KLHL11: variants seen among roughly 807,000 people sequenced by gnomAD.
The protein encoded by KLHL11 is kelch like family member 11.
Under a neutral mutation model 56.1 loss-of-function variants are expected in KLHL11, and 26 were observed. The ratio of observed to expected loss-of-function variants is 0.46; its 90% CI spans 0.34 to 0.64. The LOEUF is 0.64. KLHL11 is among the 30% of genes least tolerant of loss of function. KLHL11 has a pLI of 0.01. For synonymous variants in KLHL11, 338 were observed against 345.8 expected, an observed-to-expected ratio of 0.98 and a Z score of 0.25; for missense variants, 627 against 919.4, an observed-to-expected ratio of 0.68 and a Z score of 4.11.
intron 1 of KLHL11, among the ~76,000 whole-genome samples, chr17:41,864,435 C>T (rs1347393096): frequency 3.3e-5 from 5 of 152,248 alleles, no homozygotes; most frequent in Admixed American, 6.5e-5. Context: ...AATATTCATT[C>T]CCCATCTTTG....
chr17:41,855,428 G>A, intron 1 of KLHL11, 107 bp from the exon 2 acceptor site: 1 of 771,302 alleles, frequency 1.3e-6, no homozygotes, highest in Non-Finnish European at 2.0e-6. Flanking sequence ...ACCCAGGTTG[G>A]AGTGCAGTGG....
chr17:41,849,010 A>T lies in KLHL11; in HGVS notation c.*4730T>A, dbSNP rs1307274166. On this transcript the variant is annotated 3_prime_UTR_variant, in exon 2 of 2. Transcript: ENST00000319121. ...AGCAAAATGACTACTAGGTTATATT[A>T]CTGTTATTATATTACATCACCCAAC... 5 of 152,274 alleles carry T rather than the reference A, an allele frequency of 3.3e-5. No individual in the cohort carries two copies. The highest frequency in any genetic ancestry group is 4.8e-5 in the African/African-American group (2 of 41,466). 9.4% of individuals were successfully genotyped at this position (152,274 alleles called of 1,614,324 possible).
At chr17:41,856,149 C>G (rs2048365004) in intron 1 of KLHL11, among the ~76,000 whole-genome samples, 1 of 152,084 alleles carries the variant, frequency 6.6e-6, no homozygotes, top group Admixed American at 6.5e-5. Flanking sequence ...TGCCACCACA[C>G]CCAGCTAATT....
chr17:41,854,396 G>C lies in KLHL11; in HGVS notation c.1471C>G (p.Leu491Val). 6.2e-7 allele frequency: 1 copy of C among 1,614,148 alleles called. No individual in the cohort carries two copies. Among genetic ancestry groups the C allele is most frequent in the Non-Finnish European group, 8.5e-7 (1 of 1,180,044 alleles). Residue 491 changes from leucine to valine, a missense_variant, in exon 2 of 2, where the codon CTT becomes GTT. Coordinates refer to ENST00000319121, the MANE Select transcript of KLHL11 (RefSeq NM_018143.3). The surrounding 1 kb of genome is among the most constrained non-coding windows in gnomAD (Gnocchi z 4.9). ...WHNLESAPKI[L>V]RDVKALAIED... ...ATGGCTAGTGCTTTGACATCTCGAA[G>C]AATCTTTGGTGCCGATTCCAAGTTG...
In KLHL11 at chr17:41,861,056, G is replaced by A. The variant is rs59273801; in HGVS notation, c.545+3770C>T. Among the ~76,000 whole-genome samples the A allele has an allele frequency of 6.1e-3, 933 of 152,246 alleles. 8 individuals carry two copies. The highest frequency in any genetic ancestry group is 0.021 in the African/African-American group (884 of 41,534). On this transcript the variant is annotated intron_variant, in intron 1 of 1. Transcript: ENST00000319121. ...TCTGAGGCCTCCCCTTACTCAGATC[G>A]AGGAAAGACGCACTCACAGGAAAAA...
chr17:41,859,538 G>A (rs1223846319), intron 1 of KLHL11, among the ~76,000 whole-genome samples: 1 of 150,574 alleles, frequency 6.6e-6, no homozygotes, highest in East Asian at 1.9e-4. Context: ...GCACTCCAGC[G>A]ACAGAATGAG....
At chr17:41,863,609 C>G (rs1185818331) in intron 1 of KLHL11, among the ~76,000 whole-genome samples, 1 of 152,204 alleles carries the variant, frequency 6.6e-6, no homozygotes, top group Non-Finnish European at 1.5e-5. Flanking sequence ...CACAGGCCAT[C>G]AAGGCCCTAC....
At position 41,850,043 on chromosome 17, in the gene KLHL11, C is replaced by A. The variant is rs2048324435; in HGVS notation, c.*3697G>T. 1 of 152,166 alleles carries A rather than the reference C, an allele frequency of 6.6e-6. No individual in the cohort carries two copies. The highest frequency in any genetic ancestry group is 6.5e-5 in the Admixed American group (1 of 15,274). 9.4% of individuals were successfully genotyped at this position (152,166 alleles called of 1,614,324 possible). ...CCAAAAACAATATTTTAAGTTTTCTCATCAAAAAGGAAATTTCTTTCCCAA... is the reference window on the plus strand; with the variant it reads ...CCAAAAACAATATTTTAAGTTTTCTAATCAAAAAGGAAATTTCTTTCCCAA... On this transcript the variant is annotated 3_prime_UTR_variant, in exon 2 of 2. Coordinates refer to ENST00000319121, the MANE Select transcript of KLHL11 (RefSeq NM_018143.3).
intron 1 of KLHL11, among the ~76,000 whole-genome samples, chr17:41,861,066 G>A (rs1263705293): frequency 3.3e-5 from 5 of 152,114 alleles, no homozygotes; most frequent in African/African-American, 4.8e-5. Context: ...GAGGAAAGAC[G>A]CACTCACAGG....
In KLHL11 at chr17:41,850,795, T is replaced by A. The variant is rs966271423; in HGVS notation, c.*2945A>T. On this transcript the variant is annotated 3_prime_UTR_variant, in exon 2 of 2. Transcript: ENST00000319121. ...GGGACAATATAATAATATATCCTTATATGTAGAAATAGACTTGCAGTTTCT... is the reference window on the plus strand; with the variant it reads ...GGGACAATATAATAATATATCCTTAAATGTAGAAATAGACTTGCAGTTTCT... The A allele has an allele frequency of 6.6e-6, 1 of 152,322 alleles. No homozygotes were observed. Among genetic ancestry groups the A allele is most frequent in the East Asian group, 1.9e-4 (1 of 5,190 alleles). 9.4% of individuals were successfully genotyped at this position (152,322 alleles called of 1,614,324 possible).
intron 1 of KLHL11, among the ~76,000 whole-genome samples, chr17:41,856,293 G>A (rs1555622551): frequency 6.6e-6 from 1 of 151,988 alleles, no homozygotes; most frequent in Non-Finnish European, 1.5e-5. Context: ...CCTGGCCATG[G>A]CCTACATTTA....
rs2048328629 is a variant in KLHL11 at position 41,850,899 on chromosome 17, G to T, written c.*2841C>A. 6.6e-6 allele frequency: 1 copy of T among 152,018 alleles called. No individual in the cohort carries two copies. Among genetic ancestry groups the T allele is most frequent in the African/African-American group, 2.4e-5 (1 of 41,374 alleles). The allele number at this position is 152,018 out of a possible 1,614,324, so 9.4% of individuals were successfully genotyped here. A position where few individuals can be genotyped will look rare whatever the true frequency, so the allele number is the denominator to read the frequency against. ...TATTAAAAACTTTTCACCTAGGCAGGGATACTAATTTAAAAATTTCAAGTT... is the reference window on the plus strand; with the variant it reads ...TATTAAAAACTTTTCACCTAGGCAGTGATACTAATTTAAAAATTTCAAGTT... On this transcript the variant is annotated 3_prime_UTR_variant, in exon 2 of 2. Coordinates refer to ENST00000319121, the MANE Select transcript of KLHL11 (RefSeq NM_018143.3).
At position 41,855,210 on chromosome 17, in the gene KLHL11, T is replaced by C. The variant is rs782480598; in HGVS notation, c.657A>G (p.Gln219=). 2 of 1,614,120 alleles carry C rather than the reference T, an allele frequency of 1.2e-6. No homozygotes were observed. The highest frequency in any genetic ancestry group is 1.7e-6 in the Non-Finnish European group (2 of 1,180,016). The change falls in exon 2 of 2, where the codon CAA becomes CAG. Residue 219 remains glutamine (Q), a synonymous_variant. Coordinates refer to ENST00000319121, the MANE Select transcript of KLHL11 (RefSeq NM_018143.3). ...TCATATCAGCAGCCTTCAGAGCAAGTTGGCTCAGGGTGTACATGTGTGCTA... is the reference window on the plus strand; with the variant it reads ...TCATATCAGCAGCCTTCAGAGCAAGCTGGCTCAGGGTGTACATGTGTGCTA... ...HSLAHMYTLS[Q]LALKAADMIR...
intron 1 of KLHL11, among the ~76,000 whole-genome samples, chr17:41,859,494 G>A (rs1555622869): frequency 6.6e-6 from 1 of 151,972 alleles, no homozygotes; most frequent in Non-Finnish European, 1.5e-5. Context: ...GAACCCGGGA[G>A]GTGGAGGTTG....
At chr17:41,861,496 G>A (rs2048402375) in intron 1 of KLHL11, among the ~76,000 whole-genome samples, 1 of 151,974 alleles carries the variant, frequency 6.6e-6, no homozygotes, top group African/African-American at 2.4e-5. Context: ...GACCAGCCTG[G>A]CCGATACAGT....
Position 41,849,226 on chromosome 17 carries a change from T to C in KLHL11, c.*4514A>G, listed in dbSNP as rs1248400160. The C allele has an allele frequency of 4.6e-5, 7 of 152,216 alleles. No individual in the cohort carries two copies. Among genetic ancestry groups the C allele is most frequent in the African/African-American group, 1.4e-4 (6 of 41,452 alleles). 9.4% of individuals were successfully genotyped at this position (152,216 alleles called of 1,614,324 possible). On this transcript the variant is annotated 3_prime_UTR_variant, in exon 2 of 2. Transcript: ENST00000319121. ...AGACAGAGTACTTGGTTTACAGTAATGTACAACACTTTCAAAGACATGAAA... is the reference window on the plus strand; with the variant it reads ...AGACAGAGTACTTGGTTTACAGTAACGTACAACACTTTCAAAGACATGAAA...
At position 41,849,612 on chromosome 17, in the gene KLHL11, T is replaced by C. The variant is rs1349916800; in HGVS notation, c.*4128A>G. 6.6e-6 allele frequency: 1 copy of C among 152,196 alleles called. No homozygotes were observed. The highest frequency in any genetic ancestry group is 1.5e-5 in the Non-Finnish European group (1 of 68,038). 9.4% of individuals were successfully genotyped at this position (152,196 alleles called of 1,614,324 possible). On this transcript the variant is annotated 3_prime_UTR_variant, in exon 2 of 2. Transcript: ENST00000319121. Reference sequence around the variant, plus strand: ...AAATTTTTTGGTCCCAGAAATACTATATAAAACCGGGTGATCAAAACAAAA... The same window carrying C: ...AAATTTTTTGGTCCCAGAAATACTACATAAAACCGGGTGATCAAAACAAAA...
rs781788532 is a variant in KLHL11 at position 41,865,206 on chromosome 17, A to G, written c.165T>C (p.Ser55=). The change falls in exon 1 of 2, where the codon TCT becomes TCC. Residue 55 remains serine (S), a synonymous_variant. Coordinates refer to ENST00000319121, the MANE Select transcript of KLHL11 (RefSeq NM_018143.3). ...TVDFGPGPGI[S]AMEASGGDPG... ...GATCGCCCCCGCTCGCCTCCATTGC[A>G]GAGATCCCCGGCCCAGGCCCGAAGT... is the stretch of plus-strand genomic sequence containing the variant. The G allele has an allele frequency of 1.2e-6, 2 of 1,607,154 alleles. No homozygotes were observed. Among genetic ancestry groups the G allele is most frequent in the East Asian group, 2.2e-5 (1 of 44,558 alleles).
At chr17:41,861,195 G>A (rs2048400296) in intron 1 of KLHL11, among the ~76,000 whole-genome samples, 1 of 152,198 alleles carries the variant, frequency 6.6e-6, no homozygotes, top group Non-Finnish European at 1.5e-5. Context: ...TAACAGGACA[G>A]CCTGTGCTTG....
Sources: gnomAD v4.1 joint callset for allele counts (sites outside exome capture counted in the v4.1 genomes callset) on GRCh38, gnomAD v4.1.1 for gene constraint, Gnocchi (gnomAD v3.1) non-coding constraint, MANE v1.5 for transcripts, NCBI Gene and HGNC (gene_info 2026-07-23, HGNC 2026-07-21) for gene names.